Variants in RANBP17 observed in about 807,000 individuals in gnomAD.
RANBP17 encodes ran-binding protein 17.
In RANBP17, 158 loss-of-function variants were observed where a neutral mutation model predicts 141.2. The observed-to-expected ratio is 1.12, with a 90% CI of 0.98 to 1.28. The LOEUF (loss-of-function observed/expected upper bound fraction) is 1.28, where lower values mean the gene tolerates loss of function less well. Among genes scored for constraint, RANBP17 ranks in the 50% most tolerant of loss-of-function variants. The pLI, the probability that RANBP17 is intolerant of heterozygous loss-of-function variation, is 0.00. For missense variants in RANBP17, 1,438 were observed against 1,290.7 expected (o/e 1.11, Z -1.75); for synonymous variants, 430 against 450.0 (o/e 0.96, Z 0.56).
intron 24 of RANBP17, chr5:171,252,355 A>T: frequency 6.5e-7 from 1 of 1,538,448 alleles, no homozygotes; most frequent in Non-Finnish European, 9.0e-7. Flanking sequence ...AACATTAACT[A>T]ATGAAACCAG....
At position 170,968,395 on chromosome 5, in the gene RANBP17, A is replaced by C. The variant is rs765472457; in HGVS notation, c.1710+18A>C. On this transcript the variant is annotated intron_variant, in intron 14 of 27. Transcript: ENST00000523189. ...CCTCAAAGGTAGGTTTCTACTAGAG[A>C]GTTTAAAACATGTTATTGGGGATGA... The C allele has an allele frequency of 1.3e-6, 2 of 1,597,252 alleles. No homozygotes were observed. The highest frequency in any genetic ancestry group is 1.7e-6 in the Non-Finnish European group (2 of 1,170,920).
chr5:171,012,054 T>TAATTTGTTTAAACAAATAATA lies in RANBP17; in HGVS notation c.1710+43677_1710+43678insAATTTGTTTAAACAAATAATA, dbSNP rs1185246125. Among the ~76,000 whole-genome samples, 171 of 129,342 alleles carry TAATTTGTTTAAACAAATAATA rather than the reference T, an allele frequency of 1.3e-3. 1 individual carries two copies. The highest frequency in any genetic ancestry group is 2.1e-3 in the Non-Finnish European group (124 of 58,712). The allele number at this position is 129,342 out of a possible 152,430, so 84.9% of individuals were successfully genotyped here. On this transcript the variant is annotated intron_variant, in intron 14 of 27. Coordinates refer to ENST00000523189, the MANE Select transcript of RANBP17 (RefSeq NM_022897.5). The stretch of plus-strand genomic sequence containing the variant: ...AATATATTTGTTTAAACAAATTATA[T>TAATTTGTTTAAACAAATAATA]TATTTGTTTAAACGAATATATTGTT...
At chr5:170,903,869 GTC>G in intron 5 of RANBP17, 1 of 483,146 alleles carries the variant, frequency 2.1e-6, no homozygotes, top group Non-Finnish European at 4.1e-6. Flanking sequence ...GATTTGAAGG[GTC>G]CCTTAATAAG....
intron 14 of RANBP17, among the ~76,000 whole-genome samples, chr5:171,013,623 C>G (rs1780220490): frequency 6.6e-6 from 1 of 151,718 alleles, no homozygotes; most frequent in South Asian, 2.1e-4. Flanking sequence ...TCCCATTGAT[C>G]TTTAAGCCTA....
chr5:170,942,505 G>A (rs974711022), intron 12 of RANBP17, among the ~76,000 whole-genome samples: 2 of 152,192 alleles, frequency 1.3e-5, no homozygotes, highest in African/African-American at 4.8e-5. Context: ...CATACAGCAT[G>A]AAACGTAATA....
intron 26 of RANBP17, among the ~76,000 whole-genome samples, chr5:171,294,598 A>G (rs979654663): frequency 6.6e-6 from 1 of 152,244 alleles, no homozygotes; most frequent in Admixed American, 6.5e-5. Flanking sequence ...AGGCAGGTGC[A>G]TGCATTAAAA....
In RANBP17 at chr5:171,241,145, A is replaced by G. The variant is rs1764855244; in HGVS notation, c.2637+3A>G. The G allele has an allele frequency of 5.0e-6, 8 of 1,606,476 alleles. No homozygotes were observed. Among genetic ancestry groups the G allele is most frequent in the Non-Finnish European group, 6.8e-6 (8 of 1,173,538 alleles). On this transcript the variant is annotated splice_donor_region_variant and intron_variant, in intron 23 of 27. Coordinates refer to ENST00000523189, the MANE Select transcript of RANBP17 (RefSeq NM_022897.5). ...CAGTGTCCCACAGTGACTTGCTAGTAAGCAATCATGCATCATGGGAGTGTT... is the reference window on the plus strand; with the variant it reads ...CAGTGTCCCACAGTGACTTGCTAGTGAGCAATCATGCATCATGGGAGTGTT...
intron 14 of RANBP17, among the ~76,000 whole-genome samples, chr5:171,130,353 T>G (rs1248351002): frequency 6.6e-6 from 1 of 152,108 alleles, no homozygotes; most frequent in Admixed American, 6.6e-5. Context: ...TTTGGAAATT[T>G]AGCTTTTCTC....
chr5:171,276,459 C>T (rs1055707485), intron 25 of RANBP17, among the ~76,000 whole-genome samples: 2 of 152,284 alleles, frequency 1.3e-5, no homozygotes, highest in African/African-American at 4.8e-5. Context: ...ACATAAGCCA[C>T]GTATCCATTT....
At position 171,030,853 on chromosome 5, in the gene RANBP17, A is replaced by G. The variant is rs1398101508; in HGVS notation, c.1710+62476A>G. On this transcript the variant is annotated intron_variant, in intron 14 of 27. Coordinates refer to ENST00000523189, the MANE Select transcript of RANBP17 (RefSeq NM_022897.5). ...GTTGTAATTTTGTAGAAATTAGCAG[A>G]CTACAAAGGATGCTTGATGGTTGTA... Among the ~76,000 whole-genome samples the G allele has an allele frequency of 2.0e-5, 3 of 152,004 alleles. No homozygotes were observed. In the East Asian group the frequency reaches 5.8e-4, roughly 29 times the overall value.
chr5:171,164,984 C>A (rs1759580942), intron 14 of RANBP17, among the ~76,000 whole-genome samples: 1 of 152,098 alleles, frequency 6.6e-6, no homozygotes. Flanking sequence ...AAAGCACCTT[C>A]TGATTTTTTC....
intron 1 of RANBP17, among the ~76,000 whole-genome samples, chr5:170,862,676 G>GCGCGGA (rs924898207): frequency 6.6e-6 from 1 of 152,028 alleles, no homozygotes; most frequent in East Asian, 1.9e-4. Context: ...GCGGGCGCGG[G>GCGCGGA]CGCGGACGCG....
chr5:171,257,623 T>G (rs1297002159), intron 24 of RANBP17, among the ~76,000 whole-genome samples: 2 of 152,194 alleles, frequency 1.3e-5, no homozygotes, highest in Non-Finnish European at 2.9e-5. Flanking sequence ...CAAATTGTCC[T>G]TCTTTGCTGA....
rs1771477086 is a variant in RANBP17 at position 170,910,981 on chromosome 5, C to T, written c.607C>T (p.Pro203Ser). The change falls in exon 7 of 28, where the codon CCT (proline) becomes TCT (serine). Residue 203 changes from proline (P) to serine (S), a missense_variant. Coordinates refer to ENST00000523189, the MANE Select transcript of RANBP17 (RefSeq NM_022897.5). ...CSLLKEVFAK[P>S]LNLQDQCQQN... Reference sequence around the variant, plus strand: ...GTACTTTTTTCAGGTGTTTGCCAAACCTTTAAATCTTCAGGATCAATGTCA... The same window carrying T: ...GTACTTTTTTCAGGTGTTTGCCAAATCTTTAAATCTTCAGGATCAATGTCA... 3 of 1,610,552 alleles carry T rather than the reference C, an allele frequency of 1.9e-6. No homozygotes were observed. Among genetic ancestry groups the T allele is most frequent in the South Asian group, 1.1e-5 (1 of 90,926 alleles).
In RANBP17 at chr5:171,241,099, C is replaced by T; in HGVS notation, c.2594C>T (p.Ala865Val). The change falls in exon 23 of 28, where the codon GCT becomes GTT. Residue 865 changes from alanine to valine, a missense_variant. Ala to Val is a moderately conservative substitution (Grantham distance 64). Coordinates refer to ENST00000523189, the MANE Select transcript of RANBP17 (RefSeq NM_022897.5). Reference protein sequence around the residue: ...GDNHFDNVLQAFVKMLLSVSH... With the variant: ...GDNHFDNVLQVFVKMLLSVSH... ...AACCATTTTGACAATGTACTCCAGG[C>T]TTTTGTCAAAATGCTGCTGTCAGTG... 6.2e-7 allele frequency: 1 copy of T among 1,613,742 alleles called. No homozygotes were observed. The highest frequency in any genetic ancestry group is 8.5e-7 in the Non-Finnish European group (1 of 1,179,832).
intron 14 of RANBP17, among the ~76,000 whole-genome samples, chr5:171,033,508 G>A (rs1225217129): frequency 6.6e-6 from 1 of 152,056 alleles, no homozygotes; most frequent in Non-Finnish European, 1.5e-5. Context: ...TGCCTATGTT[G>A]CCTTTTCTAA....
chr5:170,918,403 T>TAC (rs55900214), intron 9 of RANBP17: 2,455 of 161,672 alleles, frequency 0.015, 56 homozygotes, highest in East Asian at 0.05. Flanking sequence ...TAAACCACAG[T>TAC]ACACACACAC....
At chr5:171,285,498 A>C (rs17680509) in intron 25 of RANBP17, among the ~76,000 whole-genome samples, 18,710 of 152,260 alleles carry the variant, frequency 0.12, 1,464 homozygotes, top group East Asian at 0.21. Context: ...GGTATTTTTG[A>C]CAAGTAATCC....
chr5:171,089,006 G>A (rs1785950935), intron 14 of RANBP17, among the ~76,000 whole-genome samples: 1 of 151,826 alleles, frequency 6.6e-6, no homozygotes, highest in Non-Finnish European at 1.5e-5. Flanking sequence ...TTGCTGGTGA[G>A]GAACTGCGTT....
Sources: gnomAD v4.1 joint callset for allele counts (sites outside exome capture counted in the v4.1 genomes callset) on GRCh38, gnomAD v4.1.1 for gene constraint, MANE v1.5 for transcripts, NCBI Gene and HGNC (gene_info 2026-07-23, HGNC 2026-07-21) for gene names.